SPTBN1: variants seen among roughly 807,000 people sequenced by gnomAD.
SPTBN1 encodes the protein spectrin beta chain, non-erythrocytic 1.
A neutral mutation model predicts 266.4 loss-of-function variants in SPTBN1; 32 were observed. The observed-to-expected ratio is 0.12, with a 90% CI of 0.09 to 0.16. The LOEUF (loss-of-function observed/expected upper bound fraction) is 0.16. SPTBN1 is among the 10% of genes least tolerant of loss of function. SPTBN1 has a pLI of 1.00. For synonymous variants in SPTBN1, 1,336 were observed against 1,162.2 expected (o/e 1.15, Z -3.04); for missense variants, 2,296 against 3,067.1 (o/e 0.75, Z 5.94).
Position 54,492,549 on chromosome 2 carries a change from AACTG to A in SPTBN1, c.-47-33814_-47-33811del, listed in dbSNP as rs202221378. Among the ~76,000 whole-genome samples the A allele has an allele frequency of 6.9e-3, 1,046 of 152,236 alleles. 10 individuals carry two copies. Among genetic ancestry groups the A allele is most frequent in the Non-Finnish European group, 8.3e-3 (565 of 68,010 alleles). ...TGGTGGACCTACTGCCCTTTGCACC[AACTG>A]ACTGACTGCTGTGGTAGATGCCTTC... On this transcript the variant is annotated intron_variant, in intron 1 of 35. Coordinates refer to ENST00000356805, the MANE Select transcript of SPTBN1 (RefSeq NM_003128.3).
chr2:54,506,894 C>CTCTTTTT lies in SPTBN1; in HGVS notation c.-47-19477_-47-19476insCTTTTTT, dbSNP rs5831310. On this transcript the variant is annotated intron_variant, in intron 1 of 35. Transcript: ENST00000356805. ...AGTTTAGGTTGATCTGGTTCTCTCT[C>CTCTTTTT]TTTTTTTTTTTTTTGAGCAACAAGA... Among the ~76,000 whole-genome samples the CTCTTTTT allele has an allele frequency of 9.1e-4, 122 of 133,476 alleles. 4 individuals carry two copies. Among genetic ancestry groups the CTCTTTTT allele is most frequent in the African/African-American group, 2.7e-3 (90 of 33,876 alleles). The allele number at this position is 133,476 out of a possible 152,430, so 87.6% of individuals were successfully genotyped here. A position where few individuals can be genotyped will look rare whatever the true frequency, so the allele number is the denominator to read the frequency against.
At chr2:54,467,908 A>G (rs994393857) in intron 1 of SPTBN1, among the ~76,000 whole-genome samples, 11 of 152,170 alleles carry the variant, frequency 7.2e-5, no homozygotes, top group Admixed American at 2.6e-4. Flanking sequence ...TCTTTTTATT[A>G]CTGAAATAAT....
chr2:54,646,373 G>A lies in SPTBN1; in HGVS notation c.4764G>A (p.Leu1588=), dbSNP rs1388968002. 6 of 1,613,426 alleles carry A rather than the reference G, an allele frequency of 3.7e-6. No homozygotes were observed. The highest frequency in any genetic ancestry group is 4.2e-6 in the Non-Finnish European group (5 of 1,179,764). ...IEETEKRHRR[L]EEAHRAQQYY... is the part of the protein sequence containing the mutation. ...AGACAGAGAAACGCCACAGGCGGCT[G>A]GAGGAGGCGCACAGGGCCCAGCAGT... The change falls in exon 23 of 36, where the codon CTG becomes CTA. Residue 1588 remains leucine (L), a synonymous_variant. Coordinates refer to ENST00000356805, the MANE Select transcript of SPTBN1 (RefSeq NM_003128.3). This position sits in a 1 kb window ranked among gnomAD's most constrained non-coding sequence, Gnocchi z 4.4.
intron 4 of SPTBN1, among the ~76,000 whole-genome samples, chr2:54,613,417 A>G (rs1255063966): frequency 6.6e-6 from 1 of 152,246 alleles, no homozygotes; most frequent in East Asian, 1.9e-4. Context: ...CAGCCTGTCA[A>G]CAGTCCCTTT....
chr2:54,648,588 C>A (rs1680066184), intron 24 of SPTBN1, among the ~76,000 whole-genome samples: 1 of 152,198 alleles, frequency 6.6e-6, no homozygotes, highest in African/African-American at 2.4e-5. Context: ...TTGTCACCTT[C>A]CTGACTGGGA....
At chr2:54,589,332 G>T (rs1675511954) in intron 2 of SPTBN1, among the ~76,000 whole-genome samples, 1 of 152,290 alleles carries the variant, frequency 6.6e-6, no homozygotes, top group South Asian at 2.1e-4. Flanking sequence ...TCATTTCTCA[G>T]TTATTGTGGG....
intron 1 of SPTBN1, among the ~76,000 whole-genome samples, chr2:54,470,670 G>A (rs1461624466): frequency 1.3e-5 from 2 of 152,136 alleles, no homozygotes; most frequent in Non-Finnish European, 2.9e-5. Context: ...AGGATGTATT[G>A]CTATGTTAAA....
intron 1 of SPTBN1, among the ~76,000 whole-genome samples, chr2:54,466,973 T>C (rs1693666411): frequency 6.6e-6 from 1 of 152,212 alleles, no homozygotes; most frequent in Admixed American, 6.5e-5. Context: ...TCATTACTTA[T>C]GCAGAGTGTG....
At position 54,669,631 on chromosome 2, in the gene SPTBN1, C is replaced by T. The variant is rs908136220; in HGVS notation, c.*1062C>T. On this transcript the variant is annotated 3_prime_UTR_variant, in exon 36 of 36. Coordinates refer to ENST00000356805, the MANE Select transcript of SPTBN1 (RefSeq NM_003128.3). ...CGACCTGTACCTCTCAACTTTTGCCCTATCTGTTAAATATATGCTATGTCA... is the reference window on the plus strand; with the variant it reads ...CGACCTGTACCTCTCAACTTTTGCCTTATCTGTTAAATATATGCTATGTCA... The T allele has an allele frequency of 1.3e-5, 2 of 152,638 alleles. No individual in the cohort carries two copies. The highest frequency in any genetic ancestry group is 4.8e-5 in the African/African-American group (2 of 41,438). 9.5% of individuals were successfully genotyped at this position (152,638 alleles called of 1,614,324 possible).
chr2:54,493,789 C>G (rs191198182), intron 1 of SPTBN1, among the ~76,000 whole-genome samples: 63 of 152,334 alleles, frequency 4.1e-4, no homozygotes, highest in Non-Finnish European at 6.0e-4. Flanking sequence ...GGTGAAATTG[C>G]TTTTCTTTGT....
At chr2:54,532,418 G>C (rs1671313152) in intron 2 of SPTBN1, among the ~76,000 whole-genome samples, 1 of 152,120 alleles carries the variant, frequency 6.6e-6, no homozygotes, top group Admixed American at 6.5e-5. Flanking sequence ...TTATTAATGA[G>C]ACACTTTACA....
intron 15 of SPTBN1, 109 bp from the exon 16 acceptor site, chr2:54,630,746 C>T: frequency 7.5e-7 from 1 of 1,336,386 alleles, no homozygotes; most frequent in South Asian, 1.8e-5. Flanking sequence ...AGTCAAAGCA[C>T]AGATGGAGAA....
chr2:54,636,511 G>A (rs1679150254), intron 17 of SPTBN1, among the ~76,000 whole-genome samples: 1 of 152,194 alleles, frequency 6.6e-6, no homozygotes, highest in African/African-American at 2.4e-5. Flanking sequence ...AGCAGCCACT[G>A]AGGGCCCGTG....
At chr2:54,528,491 T>C (rs1670972141) in intron 2 of SPTBN1, 1 of 152,520 alleles carries the variant, frequency 6.6e-6, no homozygotes, top group South Asian at 2.1e-4. Flanking sequence ...GTACTTATAC[T>C]GTGTGCCAGG....
At chr2:54,473,829 A>T (rs1694049846) in intron 1 of SPTBN1, among the ~76,000 whole-genome samples, 1 of 152,242 alleles carries the variant, frequency 6.6e-6, no homozygotes, top group East Asian at 1.9e-4. Context: ...TTACACATGT[A>T]TATGGGATGT....
At chr2:54,459,087 T>G (rs565765290) in intron 1 of SPTBN1, among the ~76,000 whole-genome samples, 13 of 152,306 alleles carry the variant, frequency 8.5e-5, no homozygotes, top group Non-Finnish European at 1.8e-4. Flanking sequence ...TACTTTGTTG[T>G]AAGAAATATC....
chr2:54,665,151 T>C (rs1052694564), intron 33 of SPTBN1, among the ~76,000 whole-genome samples: 1 of 152,220 alleles, frequency 6.6e-6, no homozygotes, highest in African/African-American at 2.4e-5. Flanking sequence ...TTAACAAAGC[T>C]TTCTTTCTGT....
At chr2:54,553,476 T>C (rs547024707) in intron 2 of SPTBN1, among the ~76,000 whole-genome samples, 3 of 152,196 alleles carry the variant, frequency 2.0e-5, no homozygotes, top group Non-Finnish European at 4.4e-5. Context: ...GCCACGCTAA[T>C]GGAAGAGGAT....
At position 54,533,898 on chromosome 2, in the gene SPTBN1, TCTCACA is replaced by T. The variant is rs916477816; in HGVS notation, c.148+7334_148+7339del. On this transcript the variant is annotated intron_variant, in intron 2 of 35. Coordinates refer to ENST00000356805, the MANE Select transcript of SPTBN1 (RefSeq NM_003128.3). The surrounding 1 kb of genome is among the most constrained non-coding windows in gnomAD (Gnocchi z 4.2). Reference sequence around the variant, plus strand: ...AGATTGATCTCTCTCTCTGTCTCTCTCTCACACACACACACACACACACACACACGC... The same window carrying T: ...AGATTGATCTCTCTCTCTGTCTCTCTCACACACACACACACACACACACGC... 1.6e-4 allele frequency among the ~76,000 whole-genome samples: 15 copies of T among 93,590 alleles called. No individual in the cohort carries two copies. Among genetic ancestry groups the T allele is most frequent in the African/African-American group, 6.0e-4 (13 of 21,796 alleles). 61.4% of individuals were successfully genotyped at this position (93,590 alleles called of 152,430 possible).
Sources: gnomAD v4.1 joint callset for allele counts (sites outside exome capture counted in the v4.1 genomes callset) on GRCh38, gnomAD v4.1.1 for gene constraint, Gnocchi (gnomAD v3.1) non-coding constraint, MANE v1.5 for transcripts, NCBI Gene and HGNC (gene_info 2026-07-23, HGNC 2026-07-21) for gene names.